Variants in MS4A2 observed in about 807,000 individuals in gnomAD.
MS4A2 encodes the protein membrane spanning 4-domains A2, also known as high affinity immunoglobulin epsilon receptor subunit beta.
A neutral mutation model predicts 27.9 loss-of-function variants in MS4A2; 26 were observed. The observed-to-expected ratio is 0.93, with a 90% CI of 0.68 to 1.29. MS4A2 has a LOEUF of 1.29. MS4A2 is among the 50% of genes most tolerant of loss of function. The pLI is 0.00. For missense variants in MS4A2, 284 were observed against 284.6 expected (o/e 1.00, Z 0.01); for synonymous variants, 110 against 98.8 (o/e 1.11, Z -0.67).
Position 60,095,725 on chromosome 11 carries a change from T to C in MS4A2, c.*69T>C. The C allele has an allele frequency of 9.7e-7, 1 of 1,032,170 alleles. No homozygotes were observed. The highest frequency in any genetic ancestry group is 1.5e-6 in the Non-Finnish European group (1 of 653,284). 63.9% of individuals were successfully genotyped at this position (1,032,170 alleles called of 1,614,324 possible). A position where few individuals can be genotyped will look rare whatever the true frequency, so the allele number is the denominator to read the frequency against. ...GAAGGCCAAGGTCTTGTTAAGGGGC[T>C]ACTGGAAAAATTTCTATTCTCTCCA... On this transcript the variant is annotated 3_prime_UTR_variant, in exon 7 of 7. Coordinates refer to ENST00000278888, the MANE Select transcript of MS4A2 (RefSeq NM_000139.5).
rs1855737893 is a variant in MS4A2 at position 60,090,416 on chromosome 11, G to A, written c.267G>A (p.Glu89=). ...CTGTACTTGATATTTCACACATTGAGGGAGACATTTTTTCATCATTTAAAG... is the reference window on the plus strand; with the variant it reads ...CTGTACTTGATATTTCACACATTGAAGGAGACATTTTTTCATCATTTAAAG... ...VCSVLDISHI[E]GDIFSSFKAG... The change falls in exon 3 of 7, where the codon GAG becomes GAA. Residue 89 remains glutamate (E), a synonymous_variant. Coordinates refer to ENST00000278888, the MANE Select transcript of MS4A2 (RefSeq NM_000139.5). 2.5e-6 allele frequency: 4 copies of A among 1,613,372 alleles called. No homozygotes were observed. Among genetic ancestry groups the A allele is most frequent in the Middle Eastern group, 1.7e-4 (1 of 6,058 alleles).
intron 3 of MS4A2, among the ~76,000 whole-genome samples, chr11:60,091,831 ACTGT>A (rs1358399982): frequency 2.0e-5 from 3 of 152,140 alleles, no homozygotes; most frequent in Non-Finnish European, 4.4e-5. Context: ...ACTTGTCTCT[ACTGT>A]CTTTTTATTT....
chr11:60,089,887 A>G, intron 2 of MS4A2, 66 bp downstream of exon 2: 7 of 1,597,580 alleles, frequency 4.4e-6, no homozygotes, highest in African/African-American at 1.3e-5. Flanking sequence ...ATTGAGTTGC[A>G]TCAACTGTTT....
chr11:60,091,970 T>C (rs942266145), intron 3 of MS4A2, among the ~76,000 whole-genome samples: 1 of 152,260 alleles, frequency 6.6e-6, no homozygotes. Flanking sequence ...GGTAAAAATA[T>C]CATCATGTAC....
intron 5 of MS4A2, 168 bp downstream of exon 5, chr11:60,093,726 C>A (rs1855813943): frequency 9.7e-7 from 1 of 1,034,696 alleles, no homozygotes. Context: ...GCCCACTCCC[C>A]TCAACCCAGG....
rs1305727820 is a variant in MS4A2 at position 60,097,824 on chromosome 11, C to A, written c.*2168C>A. 1 of 152,136 alleles carries A rather than the reference C, an allele frequency of 6.6e-6. No individual in the cohort carries two copies. Among genetic ancestry groups the A allele is most frequent in the African/African-American group, 2.4e-5 (1 of 41,422 alleles). The allele number at this position is 152,136 out of a possible 1,614,324, so 9.4% of individuals were successfully genotyped here. On this transcript the variant is annotated 3_prime_UTR_variant, in exon 7 of 7. Transcript: ENST00000278888. ...TGGTATGCTTTATTTAATTGTAGGG[C>A]CTGAGGTTTTCCATTCTCATTTTTC...
At chr11:60,091,239 A>T (rs556917) in intron 3 of MS4A2, among the ~76,000 whole-genome samples, 63,660 of 152,106 alleles carry the variant, frequency 0.42, 13,554 homozygotes, top group Middle Eastern at 0.58. Flanking sequence ...TTAAGATCAA[A>T]GGGCATATGG....
chr11:60,088,747 C>G lies in MS4A2; in HGVS notation c.-19C>G. On this transcript the variant is annotated 5_prime_UTR_variant, in exon 1 of 7. Coordinates refer to ENST00000278888, the MANE Select transcript of MS4A2 (RefSeq NM_000139.5). ...TATAATAATATTCTTTATTCCTGGA[C>G]AGCTCGGTTAATGAAAAAATGGACA... The G allele has an allele frequency of 6.2e-7, 1 of 1,608,082 alleles. No individual in the cohort carries two copies. The highest frequency in any genetic ancestry group is 8.5e-7 in the Non-Finnish European group (1 of 1,176,276).
rs757045176 is a variant in MS4A2, at chr11:60,090,358, TG to T, written c.210del (p.Met70IlefsTer58). Reference sequence around the variant, plus strand: ...TAGGTAACACAAATTCTGACTGCTATGATATGCCTTTGTTTTGGAACAGTTG... The same window carrying T: ...TAGGTAACACAAATTCTGACTGCTATATATGCCTTTGTTTTGGAACAGTTG... ...FLGVTQILTA[M>X]ICLCFGTVVC... On this transcript the variant is annotated frameshift_variant, in exon 3 of 7. Coordinates refer to ENST00000278888, the MANE Select transcript of MS4A2 (RefSeq NM_000139.5). LOFTEE classifies it high-confidence loss of function. 16 of 1,613,170 alleles carry T rather than the reference TG, an allele frequency of 9.9e-6. No homozygotes were observed. The highest frequency in any genetic ancestry group is 1.4e-5 in the Non-Finnish European group (16 of 1,179,902).
chr11:60,093,485 G>C lies in MS4A2; in HGVS notation c.464G>C (p.Ser155Thr). The C allele has an allele frequency of 6.2e-7, 1 of 1,614,184 alleles. No individual in the cohort carries two copies. Among genetic ancestry groups the C allele is most frequent in the Non-Finnish European group, 8.5e-7 (1 of 1,180,028 alleles). Residue 155 changes from serine (S) to threonine (T), a missense_variant, in exon 5 of 7, where the codon AGC (serine) becomes ACC (threonine). Transcript: ENST00000278888. ...ITILIINLKK[S>T]LAYIHIHSCQ... ...ATCCTGATCATCAACCTGAAGAAGA[G>C]CTTGGCCTATATCCACATCCACAGT...
intron 6 of MS4A2, among the ~76,000 whole-genome samples, chr11:60,094,905 C>G (rs1855840166): frequency 6.6e-6 from 1 of 152,168 alleles, no homozygotes; most frequent in Non-Finnish European, 1.5e-5. Context: ...GTTCCAGATA[C>G]TTGGGAGGCT....
At chr11:60,089,587 G>A in intron 1 of MS4A2, 105 bp from the exon 2 acceptor site, 1 of 1,447,094 alleles carries the variant, frequency 6.9e-7, no homozygotes, top group African/African-American at 1.4e-5. Context: ...TGAATTACAG[G>A]ATGGCTTTGA....
At position 60,097,312 on chromosome 11, in the gene MS4A2, C is replaced by T. The variant is rs1393127225; in HGVS notation, c.*1656C>T. ...AGATAAAGAGAAAATAAGTATCCAT[C>T]AGAGACAGTATCTCTAGGCTTGGGC... On this transcript the variant is annotated 3_prime_UTR_variant, in exon 7 of 7. Coordinates refer to ENST00000278888, the MANE Select transcript of MS4A2 (RefSeq NM_000139.5). 1 of 152,206 alleles carries T rather than the reference C, an allele frequency of 6.6e-6. No individual in the cohort carries two copies. Among genetic ancestry groups the T allele is most frequent in the Admixed American group, 6.5e-5 (1 of 15,280 alleles). 9.4% of individuals were successfully genotyped at this position (152,206 alleles called of 1,614,324 possible).
Position 60,090,661 on chromosome 11 carries a change from T to C in MS4A2, c.321+191T>C, listed in dbSNP as rs568568303. Among the ~76,000 whole-genome samples, 6 of 152,272 alleles carry C rather than the reference T, an allele frequency of 3.9e-5. No individual in the cohort carries two copies. In the South Asian group the frequency reaches 1.0e-3, roughly 26 times the overall value. ...AAAAGATTCTTTTTACAATTAACGGTGGGTTAAACATTTAGCCCACAGTTT... is the reference window on the plus strand; with the variant it reads ...AAAAGATTCTTTTTACAATTAACGGCGGGTTAAACATTTAGCCCACAGTTT... On this transcript the variant is annotated intron_variant, in intron 3 of 6. Transcript: ENST00000278888.
intron 2 of MS4A2, 30 bp downstream of exon 2, chr11:60,089,851 A>G: frequency 6.2e-7 from 1 of 1,613,354 alleles, no homozygotes; most frequent in South Asian, 1.1e-5. Context: ...CTTTGACTAG[A>G]GTAAGGGTTG....
chr11:60,090,299 T>C, intron 2 of MS4A2, 37 bp from the exon 3 acceptor site: 1 of 1,606,378 alleles, frequency 6.2e-7, no homozygotes, highest in Non-Finnish European at 8.5e-7. Flanking sequence ...CGGGAAAATT[T>C]TTTTGATTTT....
In MS4A2 at chr11:60,097,578, T is replaced by C. The variant is rs553067820; in HGVS notation, c.*1922T>C. 11 of 152,254 alleles carry C rather than the reference T, an allele frequency of 7.2e-5. No individual in the cohort carries two copies. The highest frequency in any genetic ancestry group is 1.3e-4 in the Non-Finnish European group (9 of 68,044). The allele number at this position is 152,254 out of a possible 1,614,324, so 9.4% of individuals were successfully genotyped here. A position where few individuals can be genotyped will look rare whatever the true frequency, so the allele number is the denominator to read the frequency against. On this transcript the variant is annotated 3_prime_UTR_variant, in exon 7 of 7. Coordinates refer to ENST00000278888, the MANE Select transcript of MS4A2 (RefSeq NM_000139.5). ...AGAAAAGCAAGCTAAGAAAAAATTCTGTTTATAAAAGAAGGAAAAGATAGT... is the reference window on the plus strand; with the variant it reads ...AGAAAAGCAAGCTAAGAAAAAATTCCGTTTATAAAAGAAGGAAAAGATAGT...
At position 60,097,287 on chromosome 11, in the gene MS4A2, A is replaced by G. The variant is rs1855886138; in HGVS notation, c.*1631A>G. ...AGGTAGCCCAAAATAGAGAAAGATT[A>G]GATAAAGAGAAAATAAGTATCCATC... On this transcript the variant is annotated 3_prime_UTR_variant, in exon 7 of 7. Transcript: ENST00000278888. 6.6e-6 allele frequency: 1 copy of G among 152,246 alleles called. No individual in the cohort carries two copies. The highest frequency in any genetic ancestry group is 6.5e-5 in the Admixed American group (1 of 15,290). The allele number at this position is 152,246 out of a possible 1,614,324, so 9.4% of individuals were successfully genotyped here.
chr11:60,093,707 A>G, intron 5 of MS4A2, 149 bp downstream of exon 5: 4 of 1,172,088 alleles, frequency 3.4e-6, no homozygotes, highest in Non-Finnish European at 5.0e-6. Context: ...GCCCAGGGAG[A>G]TGCTGGCTGC....
Sources: gnomAD v4.1 joint callset for allele counts (sites outside exome capture counted in the v4.1 genomes callset) on GRCh38, gnomAD v4.1.1 for gene constraint, MANE v1.5 for transcripts, NCBI Gene and HGNC (gene_info 2026-07-23, HGNC 2026-07-21) for gene names.